Variants in QRFPR observed in about 807,000 individuals in gnomAD.
QRFPR encodes pyroglutamylated RF-amide peptide receptor.
A neutral mutation model predicts 31.3 loss-of-function variants in QRFPR; 37 were observed. The ratio of observed to expected loss-of-function variants is 1.18; its 90% CI spans 0.91 to 1.56. QRFPR has a LOEUF of 1.56. Ranked by LOEUF, QRFPR falls within the 40% of genes most tolerant of loss-of-function variation. QRFPR has a pLI of 0.00. For missense variants in QRFPR, 542 were observed against 532.5 expected (o/e 1.02, Z -0.18); for synonymous variants, 197 against 192.0 (o/e 1.03, Z -0.22).
At chr4:121,362,610 T>C (rs1726014793) in intron 1 of QRFPR, among the ~76,000 whole-genome samples, 1 of 150,150 alleles carries the variant, frequency 6.7e-6, no homozygotes, top group African/African-American at 2.5e-5. Context: ...TAGTGTGGTA[T>C]TGGGGAAAGA....
Position 121,365,519 on chromosome 4 carries a change from ATATATATTATATAT to A in QRFPR, c.340+14775_340+14788del, listed in dbSNP as rs1726082693. Among the ~76,000 whole-genome samples, 5 of 2,848 alleles carry A rather than the reference ATATATATTATATAT, an allele frequency of 1.8e-3. 1 individual carries two copies. Among genetic ancestry groups the A allele is most frequent in the East Asian group, 0.025 (1 of 40 alleles). The allele number at this position is 2,848 out of a possible 152,430, so 1.9% of individuals were successfully genotyped here. On this transcript the variant is annotated intron_variant, in intron 1 of 5. Transcript: ENST00000394427. ...ATATATAATATATATAATATATATT[ATATATATTATATAT>A]AATATATATTATATATAATATATAA...
chr4:121,360,559 A>T (rs981143876), intron 1 of QRFPR, among the ~76,000 whole-genome samples: 1 of 152,124 alleles, frequency 6.6e-6, no homozygotes, highest in Admixed American at 6.6e-5. Flanking sequence ...TTTGACCATG[A>T]TCATCTCACA....
chr4:121,367,357 T>C (rs1726149720), intron 1 of QRFPR, among the ~76,000 whole-genome samples: 1 of 150,210 alleles, frequency 6.7e-6, no homozygotes, highest in Non-Finnish European at 1.5e-5. Flanking sequence ...AGAGATGTAT[T>C]ATTGCTTCTG....
intron 1 of QRFPR, among the ~76,000 whole-genome samples, chr4:121,352,118 T>G (rs1725772102): frequency 6.6e-6 from 1 of 152,150 alleles, no homozygotes; most frequent in African/African-American, 2.4e-5. Flanking sequence ...TATTTTTTGT[T>G]TTCTTTACAT....
intron 1 of QRFPR, among the ~76,000 whole-genome samples, chr4:121,342,683 G>T (rs1490003728): frequency 6.6e-6 from 1 of 150,554 alleles, no homozygotes; most frequent in East Asian, 1.9e-4. Flanking sequence ...CTAAAATATA[G>T]ATGCCAGAGC....
At chr4:121,366,339 C>T (rs1175355897) in intron 1 of QRFPR, among the ~76,000 whole-genome samples, 1 of 149,942 alleles carries the variant, frequency 6.7e-6, no homozygotes, top group Admixed American at 6.6e-5. Context: ...CATGATTTTG[C>T]CACTTGTCAC....
rs112484174 is a variant in QRFPR, at chr4:121,367,348, G to C, written c.340+12960C>G. Among the ~76,000 whole-genome samples the C allele has an allele frequency of 1.8e-3, 276 of 150,132 alleles. 14 individuals carry two copies. Among genetic ancestry groups the C allele is most frequent in the Middle Eastern group, 0.01 (3 of 290 alleles). ...TTTAACACCACTTTATCCTCCTCTAGAGATGTATTATTGCTTCTGAAATAA... is the reference window on the plus strand; with the variant it reads ...TTTAACACCACTTTATCCTCCTCTACAGATGTATTATTGCTTCTGAAATAA... On this transcript the variant is annotated intron_variant, in intron 1 of 5. Coordinates refer to ENST00000394427, the MANE Select transcript of QRFPR (RefSeq NM_198179.3).
At chr4:121,356,939 T>G (rs1725882664) in intron 1 of QRFPR, among the ~76,000 whole-genome samples, 1 of 152,032 alleles carries the variant, frequency 6.6e-6, no homozygotes, top group South Asian at 2.1e-4. Flanking sequence ...CTATTCTTTC[T>G]TGAAGAATAT....
At chr4:121,375,971 A>C (rs1726345058) in intron 1 of QRFPR, among the ~76,000 whole-genome samples, 1 of 152,176 alleles carries the variant, frequency 6.6e-6, no homozygotes, top group Non-Finnish European at 1.5e-5. Context: ...CATTGTGAAG[A>C]AAAAGATAAA....
chr4:121,351,414 A>G (rs544247057), intron 1 of QRFPR, among the ~76,000 whole-genome samples: 1 of 152,252 alleles, frequency 6.6e-6, no homozygotes, highest in Admixed American at 6.5e-5. Context: ...TTTTGTCTAT[A>G]CTGGTATGTT....
At chr4:121,370,178 C>A (rs1338022540) in intron 1 of QRFPR, 10 of 770,574 alleles carry the variant, frequency 1.3e-5, no homozygotes, top group Admixed American at 1.2e-4. Context: ...AAATCACTGG[C>A]TTCCAAGGGA....
rs1168276551 is a variant in QRFPR, at chr4:121,332,935, A to G, written c.683T>C (p.Met228Thr). Residue 228 changes from methionine to threonine, a missense_variant, in exon 4 of 6, where the codon ATG (methionine) becomes ACG (threonine). Transcript: ENST00000394427. ...ILVILFLLPLMVMLILYSKIG... is the reference protein window; with the variant it reads ...ILVILFLLPLTVMLILYSKIG... ...TTTACTGTACAGAATAAGCATCACC[A>G]TAAGAGGCAGGAGGAAGAGGATGAC... 1.9e-6 allele frequency: 3 copies of G among 1,613,986 alleles called. No homozygotes were observed. Among genetic ancestry groups the G allele is most frequent in the Admixed American group, 3.3e-5 (2 of 60,006 alleles).
At position 121,329,730 on chromosome 4, in the gene QRFPR, A is replaced by G; in HGVS notation, c.896-16T>C. On this transcript the variant is annotated splice_polypyrimidine_tract_variant and intron_variant, in intron 5 of 5. Transcript: ENST00000394427. ...TCAAAATTACCTGAAATAAAGTAAT[A>G]TTTTAGAATGTACGTTTATTTTAAG... is the stretch of plus-strand genomic sequence containing the variant. 2.1e-6 allele frequency: 3 copies of G among 1,441,616 alleles called. No individual in the cohort carries two copies. The highest frequency in any genetic ancestry group is 2.8e-6 in the Non-Finnish European group (3 of 1,072,858). The allele number at this position is 1,441,616 out of a possible 1,614,324, so 89.3% of individuals were successfully genotyped here.
At chr4:121,332,584 A>G (rs1560732236) in intron 4 of QRFPR, among the ~76,000 whole-genome samples, 1 of 152,154 alleles carries the variant, frequency 6.6e-6, no homozygotes, top group African/African-American at 2.4e-5. Context: ...TCTAAATTCC[A>G]AGTCAGTTTC....
chr4:121,380,746 C>T lies in QRFPR; in HGVS notation c.-99G>A, dbSNP rs61733540. On this transcript the variant is annotated 5_prime_UTR_variant, in exon 1 of 6. Transcript: ENST00000394427. Reference sequence around the variant, plus strand: ...CTTCGGGGGACCAGCCGGAGGCCGCCTCCCTTCCTCTACTCTGGAGTCAGC... The same window carrying T: ...CTTCGGGGGACCAGCCGGAGGCCGCTTCCCTTCCTCTACTCTGGAGTCAGC... 1,969 of 1,142,588 alleles carry T rather than the reference C, an allele frequency of 1.7e-3. 18 individuals are homozygous for T. The African/African-American group carries it at 0.022, about 13-fold the overall frequency. The allele number at this position is 1,142,588 out of a possible 1,614,324, so 70.8% of individuals were successfully genotyped here.
chr4:121,337,388 C>A (rs943547390), intron 2 of QRFPR, among the ~76,000 whole-genome samples: 1 of 152,158 alleles, frequency 6.6e-6, no homozygotes, highest in African/African-American at 2.4e-5. Flanking sequence ...ACTACTAATT[C>A]CTTGTTGTCT....
chr4:121,331,003 C>A (rs571323008), intron 4 of QRFPR, among the ~76,000 whole-genome samples: 2 of 151,822 alleles, frequency 1.3e-5, no homozygotes, highest in Non-Finnish European at 2.9e-5. Context: ...CAGTGACTCA[C>A]GCCTGTAATC....
At chr4:121,342,725 A>T (rs1262779986) in intron 1 of QRFPR, among the ~76,000 whole-genome samples, 5 of 151,900 alleles carry the variant, frequency 3.3e-5, no homozygotes, top group Non-Finnish European at 5.9e-5. Context: ...TCGCTGATGT[A>T]TTCCCAGCTT....
intron 1 of QRFPR, among the ~76,000 whole-genome samples, chr4:121,341,865 A>G (rs62319027): frequency 0.11 from 17,374 of 152,086 alleles, 1,033 homozygotes; most frequent in Non-Finnish European, 0.13. Context: ...AGGTCTTCTC[A>G]TGGCTTTTTC....
Sources: allele counts gnomAD v4.1 joint callset (sites outside exome capture counted in the v4.1 genomes callset), GRCh38; gene constraint gnomAD v4.1.1; transcripts MANE v1.5; gene names NCBI Gene and HGNC (gene_info 2026-07-23, HGNC 2026-07-21).